The following NKIRAS1 variants were observed in gnomAD, a reference collection of about 807,000 sequenced individuals.
NKIRAS1 encodes the protein NFKB inhibitor interacting Ras like 1.
A neutral mutation model predicts 19.8 loss-of-function variants in NKIRAS1; 16 were observed. That is an observed-to-expected ratio of 0.81 (90% confidence interval 0.55 to 1.23). The LOEUF (loss-of-function observed/expected upper bound fraction) is 1.23. Ranked by LOEUF, NKIRAS1 falls within the 50% of genes most tolerant of loss-of-function variation. The pLI is 0.00. For missense variants in NKIRAS1, 184 were observed against 220.0 expected, an observed-to-expected ratio of 0.84 and a Z score of 1.04; for synonymous variants, 88 against 79.0, an observed-to-expected ratio of 1.11 and a Z score of -0.61.
chr3:23,913,185 T>C (rs1703958215), intron 1 of NKIRAS1, among the ~76,000 whole-genome samples: 1 of 152,192 alleles, frequency 6.6e-6, no homozygotes, highest in Admixed American at 6.5e-5. Context: ...TGTTTTGTAT[T>C]GTATGTATAT....
At chr3:23,920,436 C>G, upstream of NKIRAS1, 3 of 985,420 alleles carry the variant, frequency 3.0e-6, no homozygotes, top group Non-Finnish European at 3.6e-6. Context: ...CCAAACAACC[C>G]TAAAAATCCT....
chr3:23,904,342 T>C (rs1702813762), intron 3 of NKIRAS1, among the ~76,000 whole-genome samples: 2 of 152,160 alleles, frequency 1.3e-5, no homozygotes, highest in African/African-American at 4.8e-5. Flanking sequence ...TGGTGTGTTG[T>C]TATGGCACAG....
At chr3:23,903,622 T>C (rs976155881) in intron 3 of NKIRAS1, among the ~76,000 whole-genome samples, 7 of 151,790 alleles carry the variant, frequency 4.6e-5, no homozygotes, top group East Asian at 1.9e-4. Flanking sequence ...AAAAACTCAA[T>C]AGAAGGGCTG....
At chr3:23,944,674 G>A (rs1705580641) in intron 1 of NKIRAS1, among the ~76,000 whole-genome samples, 2 of 152,322 alleles carry the variant, frequency 1.3e-5, no homozygotes, top group African/African-American at 2.4e-5. Flanking sequence ...GGAATCTGGA[G>A]ATTAGAAGAG....
intron 1 of NKIRAS1, among the ~76,000 whole-genome samples, chr3:23,929,198 C>T (rs920777106): frequency 1.3e-5 from 2 of 151,314 alleles, no homozygotes; most frequent in Non-Finnish European, 2.9e-5. Context: ...CTCGTCTCTA[C>T]TAAAAGTACA....
upstream of NKIRAS1, chr3:23,918,467 G>A: frequency 1.2e-6 from 2 of 1,613,010 alleles, no homozygotes; most frequent in Non-Finnish European, 1.7e-6. Context: ...ATTCGTGTTC[G>A]CCGTGGTGGC....
At chr3:23,899,398 A>C (rs566653819) in intron 4 of NKIRAS1, among the ~76,000 whole-genome samples, 2 of 152,354 alleles carry the variant, frequency 1.3e-5, no homozygotes, top group African/African-American at 4.8e-5. Context: ...AAAGCTTAAC[A>C]AAAAATATGC....
In NKIRAS1 at chr3:23,927,393, C is replaced by T. The variant is rs896506473; in HGVS notation, c.-139-15943G>A. Among the ~76,000 whole-genome samples the T allele has an allele frequency of 2.6e-5, 4 of 152,092 alleles. No homozygotes were observed. Among genetic ancestry groups the T allele is most frequent in the Non-Finnish European group, 5.9e-5 (4 of 68,026 alleles). On this transcript the variant is annotated intron_variant, in intron 1 of 4. Coordinates refer to the NKIRAS1 transcript ENST00000421515. This position sits in a 1 kb window ranked among gnomAD's most constrained non-coding sequence, Gnocchi z 4.0. ...TGAGGAAAGAAAAAAAAACCTACTGCGAAGGTGCTATAGTTGGCTTGTGAC... is the reference window on the plus strand; with the variant it reads ...TGAGGAAAGAAAAAAAAACCTACTGTGAAGGTGCTATAGTTGGCTTGTGAC...
upstream of NKIRAS1, chr3:23,919,160 T>G (rs1704926329): frequency 7.0e-7 from 1 of 1,433,042 alleles, no homozygotes; most frequent in Admixed American, 1.7e-5. Context: ...ATAGGCAATG[T>G]GGGAGATTGA....
upstream of NKIRAS1, chr3:23,918,447 T>A: frequency 6.2e-7 from 1 of 1,612,478 alleles, no homozygotes; most frequent in Non-Finnish European, 8.5e-7. Flanking sequence ...TAGGTTACGT[T>A]ATATATAGGA....
chr3:23,930,390 T>C (rs1034525836), intron 1 of NKIRAS1, among the ~76,000 whole-genome samples: 3 of 152,120 alleles, frequency 2.0e-5, no homozygotes, highest in Admixed American at 6.5e-5. Flanking sequence ...TGTCTGAAGC[T>C]AGTTACATCA....
rs564359446 is a variant in NKIRAS1, at chr3:23,945,129, G to A, written c.-140+1194C>T. 797 of 149,898 alleles carry A rather than the reference G, an allele frequency of 5.3e-3. 3 individuals are homozygous for A. Among genetic ancestry groups the A allele is most frequent in the Non-Finnish European group, 8.7e-3 (582 of 67,268 alleles). 9.3% of individuals were successfully genotyped at this position (149,898 alleles called of 1,614,324 possible). On this transcript the variant is annotated intron_variant, in intron 1 of 4. Transcript: ENST00000421515. Reference sequence around the variant, plus strand: ...GGGGCTCGGCAAGGAGAAGGAAGGGGAGAAGGGGGAAGCGCAGGAGAAAAG... The same window carrying A: ...GGGGCTCGGCAAGGAGAAGGAAGGGAAGAAGGGGGAAGCGCAGGAGAAAAG...
intron 1 of NKIRAS1, among the ~76,000 whole-genome samples, chr3:23,943,366 G>A (rs1398985957): frequency 6.6e-6 from 1 of 152,200 alleles, no homozygotes; most frequent in Non-Finnish European, 1.5e-5. Flanking sequence ...CCGAGTAGCT[G>A]GGATTACAGG....
At chr3:23,907,045 C>A (rs1703133483) in intron 3 of NKIRAS1, among the ~76,000 whole-genome samples, 1 of 151,998 alleles carries the variant, frequency 6.6e-6, no homozygotes, top group Admixed American at 6.6e-5. Flanking sequence ...AGGCACGTGC[C>A]ACCATGCCCA....
intron 3 of NKIRAS1, among the ~76,000 whole-genome samples, chr3:23,905,833 A>G (rs567180917): frequency 3.9e-4 from 60 of 151,984 alleles, no homozygotes; most frequent in Non-Finnish European, 7.7e-4. Context: ...AAAGAAGAAA[A>G]GAAGACAAGA....
intron 1 of NKIRAS1, among the ~76,000 whole-genome samples, chr3:23,943,700 C>A (rs1705554861): frequency 1.3e-5 from 2 of 152,204 alleles, no homozygotes; most frequent in South Asian, 4.1e-4. Context: ...AGCAAGCAAG[C>A]TACAAAGCGT....
intron 4 of NKIRAS1, among the ~76,000 whole-genome samples, chr3:23,897,249 T>C (rs1349340885): frequency 2.0e-5 from 3 of 151,900 alleles, no homozygotes; most frequent in African/African-American, 7.3e-5. Context: ...TGTATACTCC[T>C]ATTTGCTTGC....
intron 1 of NKIRAS1, among the ~76,000 whole-genome samples, chr3:23,914,276 C>T (rs979525092): frequency 8.6e-5 from 13 of 151,906 alleles, no homozygotes; most frequent in African/African-American, 2.7e-4. Context: ...TCCCCAAAAC[C>T]GTTATTGCTT....
At chr3:23,925,436 C>T (rs2125263398) in intron 1 of NKIRAS1, among the ~76,000 whole-genome samples, 1 of 152,176 alleles carries the variant, frequency 6.6e-6, no homozygotes, top group African/African-American at 2.4e-5. Context: ...GAGTTTGAGA[C>T]CAGCCTGGGC....
Sources: allele counts gnomAD v4.1 joint callset (sites outside exome capture counted in the v4.1 genomes callset), GRCh38; gene constraint gnomAD v4.1.1; non-coding constraint Gnocchi (gnomAD v3.1); transcripts MANE v1.5; gene names NCBI Gene and HGNC (gene_info 2026-07-23, HGNC 2026-07-21).